The following DHRS9 variants were observed in gnomAD, a reference collection of about 807,000 sequenced individuals.
DHRS9 encodes dehydrogenase/reductase 9, also known as dehydrogenase/reductase SDR family member 9.
Under a neutral mutation model 26.6 loss-of-function variants are expected in DHRS9, and 18 were observed. That is an observed-to-expected ratio of 0.68 (90% confidence interval 0.47 to 1.00). The LOEUF (loss-of-function observed/expected upper bound fraction) is 1.00, where lower values mean the gene tolerates loss of function less well. Among genes scored for constraint, DHRS9 ranks in the 50% least tolerant of loss-of-function variants. The pLI is 0.00. For synonymous variants in DHRS9, 134 were observed against 141.1 expected (o/e 0.95, Z 0.36); for missense variants, 425 against 378.7 (o/e 1.12, Z -1.01).
chr2:169,093,825 T>G (rs1301517668), intron 4 of DHRS9, among the ~76,000 whole-genome samples: 1 of 152,170 alleles, frequency 6.6e-6, no homozygotes, highest in Non-Finnish European at 1.5e-5. Flanking sequence ...GCTGGGATAG[T>G]AGGAGTTTAA....
intron 3 of DHRS9, among the ~76,000 whole-genome samples, chr2:169,090,865 C>T (rs976239909): frequency 2.0e-5 from 3 of 152,146 alleles, no homozygotes; most frequent in African/African-American, 4.8e-5. Context: ...AATACTCTCT[C>T]GCGATGCTGT....
intron 3 of DHRS9, among the ~76,000 whole-genome samples, chr2:169,091,363 CA>C (rs1196145392): frequency 6.6e-6 from 1 of 152,198 alleles, no homozygotes; most frequent in Non-Finnish European, 1.5e-5. Flanking sequence ...TGTCCTTCAG[CA>C]CATCCTCATT....
intron 3 of DHRS9, among the ~76,000 whole-genome samples, chr2:169,084,665 C>G (rs1181462437): frequency 2.0e-5 from 3 of 151,974 alleles, no homozygotes; most frequent in Non-Finnish European, 4.4e-5. Flanking sequence ...GATCTTTTGC[C>G]CATTATAAAT....
intron 3 of DHRS9, among the ~76,000 whole-genome samples, chr2:169,089,001 T>C (rs1159397156): frequency 6.6e-6 from 1 of 152,220 alleles, no homozygotes. Flanking sequence ...CCATCTTACC[T>C]GGAACCAGAA....
chr2:169,087,804 T>C (rs1051223239), intron 3 of DHRS9, among the ~76,000 whole-genome samples: 3 of 152,162 alleles, frequency 2.0e-5, no homozygotes, highest in Non-Finnish European at 4.4e-5. Context: ...GGGCCTGGAA[T>C]AGGGGCCTCA....
chr2:169,071,269 A>G (rs2105277293), intron 1 of DHRS9, among the ~76,000 whole-genome samples: 1 of 152,372 alleles, frequency 6.6e-6, no homozygotes, highest in South Asian at 2.1e-4. Context: ...TTATGCAGTG[A>G]CCATAAATAA....
chr2:169,068,717 A>G (rs1285137240), upstream of DHRS9, among the ~76,000 whole-genome samples: 13 of 152,224 alleles, frequency 8.5e-5, no homozygotes, highest in Admixed American at 8.5e-4. Context: ...AATAACTGCA[A>G]TTTTCAAAGG....
chr2:169,074,562 T>G (rs1683905079), intron 1 of DHRS9: 1 of 456,986 alleles, frequency 2.2e-6, no homozygotes, highest in Non-Finnish European at 2.9e-6. Context: ...TATTAGCCTT[T>G]TAGTTGCTGT....
At chr2:169,078,842 G>A (rs867216898) in intron 1 of DHRS9, among the ~76,000 whole-genome samples, 1 of 16,034 alleles carries the variant, frequency 6.2e-5, no homozygotes, top group East Asian at 1.6e-3. Flanking sequence ...TTTTTTTTTT[G>A]TGACAGAGTC....
At chr2:169,081,936 GAT>G in intron 2 of DHRS9, 42 bp downstream of exon 2, 3 of 1,528,690 alleles carry the variant, frequency 2.0e-6, no homozygotes, top group Non-Finnish European at 2.6e-6. Flanking sequence ...AGGGATAGGG[GAT>G]AGGGAGGTAA....
intron 3 of DHRS9, among the ~76,000 whole-genome samples, chr2:169,091,009 A>G (rs1684504185): frequency 6.6e-6 from 1 of 152,124 alleles, no homozygotes; most frequent in Admixed American, 6.5e-5. Flanking sequence ...AGGACGTTTA[A>G]TGTAGGCTAG....
chr2:169,087,341 G>A (rs900060872), intron 3 of DHRS9, among the ~76,000 whole-genome samples: 1 of 148,782 alleles, frequency 6.7e-6, no homozygotes, highest in African/African-American at 2.5e-5. Context: ...TCAGCTTGTG[G>A]TCAATGTTGT....
rs1425242741 is a variant in DHRS9, at chr2:169,077,303, G to A, written c.-59-4220G>A. Among the ~76,000 whole-genome samples the A allele has an allele frequency of 2.6e-5, 4 of 152,248 alleles. No homozygotes were observed. In the East Asian group the frequency reaches 7.7e-4, roughly 29 times the overall value. On this transcript the variant is annotated intron_variant, in intron 1 of 4. Transcript: ENST00000674881. ...TCACTACTACAGCTACCTCAGAAGT[G>A]AGAATAACTTTTTTAACACTTGAAG... is the stretch of plus-strand genomic sequence containing the variant.
intron 2 of DHRS9, 78 bp downstream of exon 2, chr2:169,081,972 A>C: frequency 1.3e-4 from 184 of 1,406,594 alleles, no homozygotes; most frequent in Non-Finnish European, 1.7e-4. Context: ...AAACATGCTC[A>C]AGTTTTAAAT....
chr2:169,075,060 T>A (rs1683924397), intron 1 of DHRS9, among the ~76,000 whole-genome samples: 1 of 152,188 alleles, frequency 6.6e-6, no homozygotes, highest in African/African-American at 2.4e-5. Flanking sequence ...TCTTTGGTAG[T>A]TGTAGAGGTG....
intron 3 of DHRS9, among the ~76,000 whole-genome samples, chr2:169,087,046 G>A (rs903619878): frequency 3.3e-5 from 5 of 152,180 alleles, no homozygotes; most frequent in Non-Finnish European, 5.9e-5. Context: ...AATAAGACTT[G>A]TGTCCTTCCC....
chr2:169,095,652 C>A lies in DHRS9; in HGVS notation c.845C>A (p.Ala282Asp). 6.2e-7 allele frequency: 1 copy of A among 1,613,962 alleles called. No individual in the cohort carries two copies. The highest frequency in any genetic ancestry group is 8.5e-7 in the Non-Finnish European group (1 of 1,179,904). The change falls in exon 5 of 5, where the codon GCC becomes GAC. Residue 282 changes from alanine (A) to aspartate (D), a missense_variant. Transcript: ENST00000674881. ...LTSLFPKTHY[A>D]AGKDAKIFWI... ...AGTCTCTTCCCTAAGACTCATTATG[C>A]CGCTGGAAAAGATGCCAAAATTTTC...
At chr2:169,083,696 T>C in intron 3 of DHRS9, 109 bp downstream of exon 3, 2 of 1,345,564 alleles carry the variant, frequency 1.5e-6, no homozygotes, top group Non-Finnish European at 9.9e-7. Flanking sequence ...ACCATATTTA[T>C]CTCTAATTTT....
chr2:169,083,624 C>T (rs776287981), intron 3 of DHRS9, 37 bp downstream of exon 3: 3 of 1,603,314 alleles, frequency 1.9e-6, no homozygotes, highest in South Asian at 2.2e-5. Context: ...GAAACAATAG[C>T]TGCAAACGTT....
Sources: gnomAD v4.1 joint callset for allele counts (sites outside exome capture counted in the v4.1 genomes callset) on GRCh38, gnomAD v4.1.1 for gene constraint, MANE v1.5 for transcripts, NCBI Gene and HGNC (gene_info 2026-07-23, HGNC 2026-07-21) for gene names.